Variants in PCDHGA9 observed in about 807,000 individuals in gnomAD.
PCDHGA9 encodes the protein protocadherin gamma-A9.
Under a neutral mutation model 62.5 loss-of-function variants are expected in PCDHGA9, and 37 were observed. That is an observed-to-expected ratio of 0.59 (90% CI 0.46 to 0.78). The LOEUF (loss-of-function observed/expected upper bound fraction) is 0.78. PCDHGA9 is among the 30% of genes least tolerant of loss of function. The pLI is 0.00. For synonymous variants in PCDHGA9, 459 were observed against 484.6 expected (o/e 0.95, Z 0.69); for missense variants, 1,138 against 1,166.2 (o/e 0.98, Z 0.35).
At chr5:141,426,423 G>T in intron 1 of PCDHGA9, 1 of 290,954 alleles carries the variant, frequency 3.4e-6, no homozygotes, top group Non-Finnish European at 6.8e-6. Context: ...AGGGCTCCGT[G>T]GTGGGGAACC....
chr5:141,430,826 C>T (rs993762069), intron 1 of PCDHGA9: 1 of 1,550,298 alleles, frequency 6.5e-7, no homozygotes, highest in Non-Finnish European at 8.7e-7. Context: ...CCTGGGGACT[C>T]TGTGGGAGAC....
chr5:141,500,403 G>GT (rs2099800018), intron 2 of PCDHGA9, among the ~76,000 whole-genome samples: 1 of 151,706 alleles, frequency 6.6e-6, no homozygotes, highest in Non-Finnish European at 1.5e-5. Context: ...TAGAGACGGG[G>GT]TTTCACCGTG....
chr5:141,449,588 CAA>C (rs768743917), intron 1 of PCDHGA9, among the ~76,000 whole-genome samples: 5 of 57,502 alleles, frequency 8.7e-5, no homozygotes, highest in Admixed American at 1.8e-4. Flanking sequence ...GACTCTGTCT[CAA>C]AAAAAAAAAA....
Position 141,436,609 on chromosome 5 carries a change from A to G in PCDHGA9, c.2424+31233A>G, listed in dbSNP as rs182981534. On this transcript the variant is annotated intron_variant, in intron 1 of 3. Coordinates refer to ENST00000573521, the MANE Select transcript of PCDHGA9 (RefSeq NM_018921.3). ...AAAGGTCGTGGTGATGGCTAGGGCT[A>G]ACAAAAATCTGATTCACAACATGCA... Among the ~76,000 whole-genome samples, 5 of 152,334 alleles carry G rather than the reference A, an allele frequency of 3.3e-5. No homozygotes were observed. The East Asian group carries it at 5.8e-4, about 18-fold the overall frequency.
chr5:141,484,924 T>C (rs1453592037), intron 1 of PCDHGA9: 7 of 484,872 alleles, frequency 1.4e-5, no homozygotes, highest in Non-Finnish European at 2.2e-5. Context: ...ACCCTGCTGC[T>C]GTTGGGACGT....
In PCDHGA9 at chr5:141,477,147, A is replaced by G. The variant is rs1195888163; in HGVS notation, c.2425-17660A>G. On this transcript the variant is annotated intron_variant, in intron 1 of 3. Coordinates refer to ENST00000573521, the MANE Select transcript of PCDHGA9 (RefSeq NM_018921.3). The surrounding 1 kb of genome is among the most constrained non-coding windows in gnomAD (Gnocchi z 4.9). The stretch of plus-strand genomic sequence containing the variant: ...TGCAAAGTGTTGGTGGAGGTTGTGG[A>G]TGTGAATGACAACGCCCCGGAGATC... 2 of 1,614,168 alleles carry G rather than the reference A, an allele frequency of 1.2e-6. No individual in the cohort carries two copies. The highest frequency in any genetic ancestry group is 1.1e-5 in the South Asian group (1 of 91,080).
In PCDHGA9 at chr5:141,419,577, C is replaced by A. The variant is rs1182305164; in HGVS notation, c.2424+14201C>A. ...CCTGCGCTGGGTCCCGACGGCTCCG[C>A]GCTCTTCGACACAGTGCCGCGGGCC... On this transcript the variant is annotated intron_variant, in intron 1 of 3. Coordinates refer to ENST00000573521, the MANE Select transcript of PCDHGA9 (RefSeq NM_018921.3). 3.1e-6 allele frequency: 5 copies of A among 1,611,732 alleles called. No individual in the cohort carries two copies. The South Asian group carries it at 5.5e-5, about 18-fold the overall frequency.
chr5:141,489,701 T>C lies in PCDHGA9; in HGVS notation c.2425-5106T>C, dbSNP rs1038902932. The C allele has an allele frequency of 1.9e-6, 3 of 1,614,128 alleles. No homozygotes were observed. The highest frequency in any genetic ancestry group is 2.5e-6 in the Non-Finnish European group (3 of 1,179,944). On this transcript the variant is annotated intron_variant, in intron 1 of 3. Transcript: ENST00000573521. The surrounding 1 kb of genome is among the most constrained non-coding windows in gnomAD (Gnocchi z 4.5). ...GCAGCATCTGGGGCACGATTCCCAC[T>C]GGACAGTGCCCAGGATCCGGATGTG...
intron 3 of PCDHGA9, among the ~76,000 whole-genome samples, chr5:141,506,454 A>G (rs2099853946): frequency 6.6e-6 from 1 of 151,844 alleles, no homozygotes; most frequent in African/African-American, 2.4e-5. Context: ...CAAAAAAAAA[A>G]AAAAAAAAAA....
At chr5:141,411,846 T>C (rs962000304) in intron 1 of PCDHGA9, 1 of 151,734 alleles carries the variant, frequency 6.6e-6, no homozygotes, top group African/African-American at 2.4e-5. Context: ...GGTGACAGAG[T>C]GAGACCCTGT....
At position 141,404,947 on chromosome 5, in the gene PCDHGA9, T is replaced by G. The variant is rs561446437; in HGVS notation, c.1995T>G (p.Ala665=). ...SATVTLTVAI[A]DSIPDILADL... Reference sequence around the variant, plus strand: ...CTGTCACGCTCACAGTAGCCATAGCTGACAGCATCCCAGACATCCTGGCTG... The same window carrying G: ...CTGTCACGCTCACAGTAGCCATAGCGGACAGCATCCCAGACATCCTGGCTG... Residue 665 remains alanine, a synonymous_variant, in exon 1 of 4, where the codon GCT becomes GCG. Transcript: ENST00000573521. 5.6e-6 allele frequency: 9 copies of G among 1,613,826 alleles called. No individual in the cohort carries two copies. Among genetic ancestry groups the G allele is most frequent in the Non-Finnish European group, 7.6e-6 (9 of 1,179,910 alleles).
intron 1 of PCDHGA9, among the ~76,000 whole-genome samples, chr5:141,452,522 A>G (rs924248463): frequency 6.6e-6 from 1 of 152,310 alleles, no homozygotes; most frequent in African/African-American, 2.4e-5. Context: ...CTCCCTCAAA[A>G]TCGTGAGTTC....
chr5:141,457,891 T>C (rs2154566084), intron 1 of PCDHGA9, among the ~76,000 whole-genome samples: 1 of 152,346 alleles, frequency 6.6e-6, no homozygotes, highest in South Asian at 2.1e-4. Context: ...GTGTGGGGAC[T>C]GTGTAGACAA....
intron 1 of PCDHGA9, chr5:141,423,138 C>G (rs767107885): frequency 1.2e-6 from 2 of 1,613,606 alleles, no homozygotes; most frequent in Non-Finnish European, 1.7e-6. Flanking sequence ...TGGACAGAGA[C>G]GCGCTCAAGC....
In PCDHGA9 at chr5:141,489,844, C is replaced by A; in HGVS notation, c.2425-4963C>A. 2 of 1,614,148 alleles carry A rather than the reference C, an allele frequency of 1.2e-6. No individual in the cohort carries two copies. Among genetic ancestry groups the A allele is most frequent in the Non-Finnish European group, 1.7e-6 (2 of 1,179,982 alleles). On this transcript the variant is annotated intron_variant, in intron 1 of 3. Coordinates refer to ENST00000573521, the MANE Select transcript of PCDHGA9 (RefSeq NM_018921.3). The surrounding 1 kb of genome is among the most constrained non-coding windows in gnomAD (Gnocchi z 4.5). Reference sequence around the variant, plus strand: ...GCTGGTGCTAGAGCAGCAGCTGGATCGTGAAGCCCAGGCAAGACATCAGCT... The same window carrying A: ...GCTGGTGCTAGAGCAGCAGCTGGATAGTGAAGCCCAGGCAAGACATCAGCT...
At chr5:141,460,981 GTGTA>G (rs1315974712) in intron 1 of PCDHGA9, among the ~76,000 whole-genome samples, 3 of 121,894 alleles carry the variant, frequency 2.5e-5, no homozygotes, top group Non-Finnish European at 5.1e-5. Context: ...GTGTGTGTGT[GTGTA>G]TATATATATA....
At position 141,490,735 on chromosome 5, in the gene PCDHGA9, C is replaced by T; in HGVS notation, c.2425-4072C>T. The T allele has an allele frequency of 2.5e-6, 4 of 1,614,194 alleles. No individual in the cohort carries two copies. Among genetic ancestry groups the T allele is most frequent in the Non-Finnish European group, 2.5e-6 (3 of 1,180,018 alleles). ...CTACTCCATTGTAGGAAATCAGGTTCAGGGAGCCCCAGCCTCCTCCTTTGT... is the reference window on the plus strand; with the variant it reads ...CTACTCCATTGTAGGAAATCAGGTTTAGGGAGCCCCAGCCTCCTCCTTTGT... On this transcript the variant is annotated intron_variant, in intron 1 of 3. Transcript: ENST00000573521. This position sits in a 1 kb window ranked among gnomAD's most constrained non-coding sequence, Gnocchi z 5.4.
At chr5:141,445,070 A>G (rs185808898) in intron 1 of PCDHGA9, among the ~76,000 whole-genome samples, 30 of 152,306 alleles carry the variant, frequency 2.0e-4, no homozygotes, top group African/African-American at 7.2e-4. Context: ...TATATTTCTC[A>G]TTAAATTGTC....
At chr5:141,484,102 A>T (rs1404220648) in intron 1 of PCDHGA9, among the ~76,000 whole-genome samples, 1 of 152,206 alleles carries the variant, frequency 6.6e-6, no homozygotes, top group African/African-American at 2.4e-5. Flanking sequence ...GTTGGTAATT[A>T]ACAAAAGATC....
Sources: gnomAD v4.1 joint callset for allele counts (sites outside exome capture counted in the v4.1 genomes callset) on GRCh38, gnomAD v4.1.1 for gene constraint, Gnocchi (gnomAD v3.1) non-coding constraint, MANE v1.5 for transcripts, NCBI Gene and HGNC (gene_info 2026-07-23, HGNC 2026-07-21) for gene names.